The following FLNC variants were observed in gnomAD, a reference collection of about 807,000 sequenced individuals.
The protein encoded by FLNC is filamin-C.
Under a neutral mutation model 254.3 loss-of-function variants are expected in FLNC, and 91 were observed. The ratio of observed to expected loss-of-function variants is 0.36; its 90% CI spans 0.30 to 0.43. The LOEUF (loss-of-function observed/expected upper bound fraction) is 0.43. Among genes scored for constraint, FLNC ranks in the 20% least tolerant of loss-of-function variants. The pLI is 1.00. For missense variants in FLNC, 2,853 were observed against 3,802.6 expected (o/e 0.75, Z 6.57); for synonymous variants, 1,430 against 1,577.2 (o/e 0.91, Z 2.21).
Position 128,846,281 on chromosome 7 carries a change from C to T in FLNC, c.3965-20C>T, listed in dbSNP as rs781712238. ...GGGGGCGCACACTCCCTGATTGATG[C>T]CCCTGTGGCTGGCTTCCAGGCGTGC... On this transcript the variant is annotated intron_variant, in intron 22 of 47. Transcript: ENST00000325888. The T allele has an allele frequency of 1.9e-6, 3 of 1,613,454 alleles. No individual in the cohort carries two copies. Among genetic ancestry groups the T allele is most frequent in the Non-Finnish European group, 2.5e-6 (3 of 1,179,842 alleles).
rs1430761286 is a variant in FLNC at position 128,846,797 on chromosome 7, A to G, written c.4180A>G (p.Lys1394Glu). Residue 1394 changes from lysine to glutamate, a missense_variant, in exon 24 of 48, where the codon AAG (lysine) becomes GAG (glutamate). Physicochemically the swap from Lys to Glu is moderately conservative, Grantham distance 56. This residue lies in a region of FLNC where 1,573 missense variants were observed against 1,883.5 expected (regional missense o/e 0.84). Coordinates refer to ENST00000325888, the MANE Select transcript of FLNC (RefSeq NM_001458.5). ...GLAIEGPSEA[K>E]MSCKDNKDGS... The stretch of plus-strand genomic sequence containing the variant: ...AGCCATCGAGGGTCCCTCGGAAGCC[A>G]AGATGTCCTGCAAGGACAACAAGGA... 1.5e-5 allele frequency: 24 copies of G among 1,614,080 alleles called. No homozygotes were observed. The highest frequency in any genetic ancestry group is 2.0e-5 in the Non-Finnish European group (24 of 1,180,006).
rs368492686 is a variant in FLNC at position 128,844,766 on chromosome 7, G to T, written c.3301G>T (p.Gly1101Cys). The change falls in exon 21 of 48, where the codon GGC becomes TGC. Residue 1101 changes from glycine (G) to cysteine (C), a missense_variant. This residue lies in a region of FLNC where 1,573 missense variants were observed against 1,883.5 expected (regional missense o/e 0.84). Coordinates refer to ENST00000325888, the MANE Select transcript of FLNC (RefSeq NM_001458.5). ...GTGGLGLTVEGPCEAKIECQD... is the reference protein window; with the variant it reads ...GTGGLGLTVECPCEAKIECQD... ...AGGTGGCCTGGGGCTGACCGTAGAG[G>T]GCCCCTGCGAGGCCAAGATCGAGTG... 6.2e-7 allele frequency: 1 copy of T among 1,613,920 alleles called. No homozygotes were observed. Among genetic ancestry groups the T allele is most frequent in the Non-Finnish European group, 8.5e-7 (1 of 1,180,034 alleles).
intron 35 of FLNC, among the ~76,000 whole-genome samples, chr7:128,851,994 T>A (rs1239293921): frequency 6.6e-6 from 1 of 152,172 alleles, no homozygotes; most frequent in East Asian, 1.9e-4. Context: ...GCCTCCCAAG[T>A]AGCTGGGACT....
At position 128,850,482 on chromosome 7, in the gene FLNC, A is replaced by G; in HGVS notation, c.5397A>G (p.Thr1799=). 1 of 1,611,184 alleles carries G rather than the reference A, an allele frequency of 6.2e-7. No homozygotes were observed. ...TCGCGGTGCAGAAAGGGGAGCTCAC[A>G]GGTACTGCCCTGTGGCTCCCAGGCA... is the stretch of plus-strand genomic sequence containing the variant. ...IPFAVQKGEL[T]GEVRMPSGKT... is the part of the protein sequence containing the mutation. Residue 1799 remains threonine, a splice_region_variant and synonymous_variant, in exon 32 of 48, where the codon ACA becomes ACG. Transcript: ENST00000325888.
rs1807861657 is a variant in FLNC at position 128,830,911 on chromosome 7, T to A, written c.274T>A (p.Phe92Ile). 1.2e-6 allele frequency: 2 copies of A among 1,612,948 alleles called. No homozygotes were observed. The highest frequency in any genetic ancestry group is 2.7e-5 in the African/African-American group (2 of 74,932). The part of the protein sequence containing the change: ...MYRKFHPRPN[F>I]RQMKLENVSV... Reference sequence around the variant, plus strand: ...CCGCAAGTTCCATCCGCGCCCCAACTTCCGCCAAATGAAGCTGGAGAACGT... The same window carrying A: ...CCGCAAGTTCCATCCGCGCCCCAACATCCGCCAAATGAAGCTGGAGAACGT... Residue 92 changes from phenylalanine (F) to isoleucine (I), a missense_variant, in exon 1 of 48, where the codon TTC becomes ATC. This residue lies in a region of FLNC where 115 missense variants were observed against 230.3 expected (regional missense o/e 0.50). Coordinates refer to ENST00000325888, the MANE Select transcript of FLNC (RefSeq NM_001458.5).
intron 26 of FLNC, among the ~76,000 whole-genome samples, 195 bp from the exon 27 acceptor site, chr7:128,848,366 G>C (rs954335349): frequency 9.2e-5 from 14 of 152,100 alleles, no homozygotes; most frequent in African/African-American, 2.9e-4. Context: ...CCCTGGCTCT[G>C]TCGAGGGAGT....
intron 1 of FLNC, among the ~76,000 whole-genome samples, chr7:128,834,468 C>G (rs1449870248): frequency 7.4e-6 from 1 of 135,168 alleles, no homozygotes; most frequent in African/African-American, 2.7e-5. Context: ...GTACTGGACC[C>G]CACCCACCCA....
intron 8 of FLNC, among the ~76,000 whole-genome samples, chr7:128,839,239 C>T (rs1481887055): frequency 1.3e-5 from 2 of 152,196 alleles, no homozygotes; most frequent in Non-Finnish European, 2.9e-5. Flanking sequence ...CGTGTGGAAT[C>T]GCCCCCCCTT....
chr7:128,838,118 G>T, intron 6 of FLNC, 54 bp downstream of exon 6: 5 of 1,542,732 alleles, frequency 3.2e-6, no homozygotes, highest in Non-Finnish European at 4.5e-6. Flanking sequence ...CTTGGTTCCG[G>T]CTGCATGGAC....
chr7:128,847,410 C>T (rs1808609488), intron 24 of FLNC, among the ~76,000 whole-genome samples: 1 of 152,244 alleles, frequency 6.6e-6, no homozygotes, highest in South Asian at 2.1e-4. Flanking sequence ...GTCAGAAATA[C>T]ATTTCATTTT....
At position 128,856,794 on chromosome 7, in the gene FLNC, C is replaced by T. The variant is rs773767211; in HGVS notation, c.7434C>T (p.Ile2478=). 24 of 1,614,166 alleles carry T rather than the reference C, an allele frequency of 1.5e-5. No homozygotes were observed. The Admixed American group carries it at 3.2e-4, about 21-fold the overall frequency. ...CCCACGAGAATGGCGTCCACTCCAT[C>T]GATGTCAAGTTCAACGGTGCCCACA... The part of the protein sequence containing the change: ...FIPHENGVHS[I]DVKFNGAHIP... Residue 2478 remains isoleucine (I), a synonymous_variant, in exon 45 of 48, where the codon ATC becomes ATT. Coordinates refer to ENST00000325888, the MANE Select transcript of FLNC (RefSeq NM_001458.5). This position sits in a 1 kb window ranked among gnomAD's most constrained non-coding sequence, Gnocchi z 5.9.
In FLNC at chr7:128,848,066, C is replaced by A; in HGVS notation, c.4578C>A (p.Arg1526=). Residue 1526 remains arginine, a splice_region_variant and synonymous_variant, in exon 26 of 48, where the codon CGC becomes CGA. Transcript: ENST00000325888. ...AVKYADQEVP[R]SPFKIKVLPA... ...AGTATGCTGACCAGGAGGTGCCACGCAGGTGAGGACCAGCCCTGGGCTCCT... is the reference window on the plus strand; with the variant it reads ...AGTATGCTGACCAGGAGGTGCCACGAAGGTGAGGACCAGCCCTGGGCTCCT... The A allele has an allele frequency of 3.7e-6, 6 of 1,602,498 alleles. No individual in the cohort carries two copies. Among genetic ancestry groups the A allele is most frequent in the Non-Finnish European group, 5.1e-6 (6 of 1,174,350 alleles).
intron 30 of FLNC, 151 bp downstream of exon 30, chr7:128,849,729 T>A (rs570259687): frequency 2.8e-5 from 30 of 1,083,982 alleles, no homozygotes; most frequent in Non-Finnish European, 2.7e-6. Flanking sequence ...AGCCTTAACT[T>A]TCCCCACAGC....
chr7:128,857,469 C>T lies in FLNC; in HGVS notation c.7780+133C>T, dbSNP rs1176727487. 6.0e-6 allele frequency: 4 copies of T among 667,688 alleles called. No individual in the cohort carries two copies. Among genetic ancestry groups the T allele is most frequent in the Non-Finnish European group, 1.1e-5 (4 of 371,218 alleles). The allele number at this position is 667,688 out of a possible 1,614,324, so 41.4% of individuals were successfully genotyped here. A position where few individuals can be genotyped will look rare whatever the true frequency, so the allele number is the denominator to read the frequency against. On this transcript the variant is annotated intron_variant, in intron 46 of 47. Transcript: ENST00000325888. The surrounding 1 kb of genome is among the most constrained non-coding windows in gnomAD (Gnocchi z 4.5). ...TCAGTTTACCAGGGCTAGAGGTGGG[C>T]CTGGCTCTACACAGTACACGTTCTG...
Position 128,841,705 on chromosome 7 carries a change from C to A in FLNC, c.2121+138C>A. 2 of 698,596 alleles carry A rather than the reference C, an allele frequency of 2.9e-6. No homozygotes were observed. The highest frequency in any genetic ancestry group is 5.2e-6 in the Non-Finnish European group (2 of 387,200). The allele number at this position is 698,596 out of a possible 1,614,324, so 43.3% of individuals were successfully genotyped here. A position where few individuals can be genotyped will look rare whatever the true frequency, so the allele number is the denominator to read the frequency against. On this transcript the variant is annotated intron_variant, in intron 13 of 47. Coordinates refer to ENST00000325888, the MANE Select transcript of FLNC (RefSeq NM_001458.5). This position sits in a 1 kb window ranked among gnomAD's most constrained non-coding sequence, Gnocchi z 4.3. ...ATCAGGCAGGACTGATACTCATGGG[C>A]CCATCAGTACCATGGAAAATTTTAA...
chr7:128,848,356 C>T (rs1449642146), intron 26 of FLNC, among the ~76,000 whole-genome samples: 1 of 152,114 alleles, frequency 6.6e-6, no homozygotes, highest in Non-Finnish European at 1.5e-5. Flanking sequence ...TGGAGACGTA[C>T]CCTGGCTCTG....
In FLNC at chr7:128,830,530, A is replaced by AGCAGC. The variant is rs1219141349; in HGVS notation, c.-96_-92dup. 3.2e-5 allele frequency: 30 copies of AGCAGC among 935,456 alleles called. No homozygotes were observed. Among genetic ancestry groups the AGCAGC allele is most frequent in the Admixed American group, 6.5e-5 (3 of 46,314 alleles). 57.9% of individuals were successfully genotyped at this position (935,456 alleles called of 1,614,324 possible). ...CGGCGCGAGAGAAGTTGGAGAGGAGAGCAGCGCAGCGCAGCGAGTCCCGTG... is the reference window on the plus strand; with the variant it reads ...CGGCGCGAGAGAAGTTGGAGAGGAGAGCAGCGCAGCGCAGCGCAGCGAGTCCCGTG... On this transcript the variant is annotated 5_prime_UTR_variant, in exon 1 of 48. Coordinates refer to ENST00000325888, the MANE Select transcript of FLNC (RefSeq NM_001458.5).
In FLNC at chr7:128,858,510, T is replaced by C. The variant is rs1253308985; in HGVS notation, c.8165T>C (p.Val2722Ala). 9.9e-6 allele frequency: 16 copies of C among 1,613,030 alleles called. No homozygotes were observed. In the East Asian group the frequency reaches 3.6e-4, roughly 36 times the overall value. Residue 2722 changes from valine (V) to alanine (A), a missense_variant, in exon 48 of 48, where the codon GTC (valine) becomes GCC (alanine). Around this residue, in one of 10 missense-constraint regions of FLNC, gnomAD observed 197 missense variants for 351.5 expected, o/e 0.56. Coordinates refer to ENST00000325888, the MANE Select transcript of FLNC (RefSeq NM_001458.5). This position sits in a 1 kb window ranked among gnomAD's most constrained non-coding sequence, Gnocchi z 6.7. The stretch of plus-strand genomic sequence containing the variant: ...AGTGTCCCTGGAAGCCCCTTCAAAG[T>C]CAAGGTCCCTTGAATCCCAAAAGTG... ...DESVPGSPFK[V>A]KVP
Position 128,850,553 on chromosome 7 carries a change from T to C in FLNC, c.5398+70T>C, listed in dbSNP as rs183543387. The stretch of plus-strand genomic sequence containing the variant: ...CCTCTTCCAGGCCCAGTCCTGTGTC[T>C]TAATGATGAAAACAAAGGCCCAGAG... On this transcript the variant is annotated intron_variant, in intron 32 of 47. Coordinates refer to ENST00000325888, the MANE Select transcript of FLNC (RefSeq NM_001458.5). 662 of 1,380,192 alleles carry C rather than the reference T, an allele frequency of 4.8e-4. 1 individual carries two copies. The African/African-American group carries it at 5.9e-3, about 12-fold the overall frequency. The allele number at this position is 1,380,192 out of a possible 1,614,324, so 85.5% of individuals were successfully genotyped here. A position where few individuals can be genotyped will look rare whatever the true frequency, so the allele number is the denominator to read the frequency against.
Sources: gnomAD v4.1 joint callset for allele counts (sites outside exome capture counted in the v4.1 genomes callset) on GRCh38, gnomAD v4.1.1 for gene constraint, gnomAD v4.1.1 regional missense constraint, Gnocchi (gnomAD v3.1) non-coding constraint, MANE v1.5 for transcripts, NCBI Gene and HGNC (gene_info 2026-07-23, HGNC 2026-07-21) for gene names.